Variants in CDH5 observed in about 807,000 individuals in gnomAD.
CDH5 encodes cadherin-5.
Under a neutral mutation model 62.0 loss-of-function variants are expected in CDH5, and 28 were observed. The observed-to-expected ratio is 0.45, with a 90% confidence interval of 0.33 to 0.62. CDH5 has a LOEUF of 0.62. Among genes scored for constraint, CDH5 ranks in the 20% least tolerant of loss-of-function variants. The pLI, the probability that CDH5 is intolerant of heterozygous loss-of-function variation, is 0.02. For missense variants in CDH5, 940 were observed against 1,065.1 expected, an observed-to-expected ratio of 0.88 and a Z score of 1.63; for synonymous variants, 464 against 445.8, an observed-to-expected ratio of 1.04 and a Z score of -0.52.
intron 8 of CDH5, 127 bp downstream of exon 8, chr16:66,396,328 T>G (rs752330858): frequency 2.8e-5 from 32 of 1,134,174 alleles, no homozygotes; most frequent in Non-Finnish European, 4.0e-5. Context: ...ACCCGCTGGT[T>G]GGGATGCTAT....
chr16:66,393,004 G>A (rs1000838694), intron 7 of CDH5: 5 of 152,246 alleles, frequency 3.3e-5, no homozygotes, highest in South Asian at 2.1e-4. Context: ...TGGTTTCATC[G>A]ATATTTGCTC....
chr16:66,385,260 G>A (rs1960963588), intron 2 of CDH5, among the ~76,000 whole-genome samples: 1 of 152,142 alleles, frequency 6.6e-6, no homozygotes, highest in South Asian at 2.1e-4. Flanking sequence ...CCTCTAACCT[G>A]TGGCTCTATT....
At chr16:66,401,045 C>T (rs1178905672) in intron 11 of CDH5, 29 bp downstream of exon 11, 2 of 1,613,242 alleles carry the variant, frequency 1.2e-6, no homozygotes, top group Admixed American at 1.7e-5. Flanking sequence ...GGGGAGAAGA[C>T]ACAGTGGGTG....
intron 6 of CDH5, among the ~76,000 whole-genome samples, chr16:66,391,251 C>A (rs1961078675): frequency 6.6e-6 from 1 of 152,144 alleles, no homozygotes; most frequent in Admixed American, 6.5e-5. Flanking sequence ...GACACAGCCT[C>A]CAGTGTCAGC....
At chr16:66,391,687 C>T (rs377248516) in intron 6 of CDH5, among the ~76,000 whole-genome samples, 33 of 152,214 alleles carry the variant, frequency 2.2e-4, no homozygotes, top group East Asian at 1.4e-3. Flanking sequence ...GCAGGAGAAT[C>T]GCTTGAACCT....
In CDH5 at chr16:66,379,379, C is replaced by A; in HGVS notation, c.42C>A (p.Cys14Ter). The change falls in exon 2 of 12, where the codon TGC becomes TGA. Residue 14 changes from cysteine to a stop codon, truncating the protein, a stop_gained. Coordinates refer to ENST00000341529, the MANE Select transcript of CDH5 (RefSeq NM_001795.5). LOFTEE classifies it high-confidence loss of function. ...TGCTCCTCGCCACATCGGGCGCCTG[C>A]CTGGGCCTGCTGGCAGTGGCAGCAG... ...LMMLLATSGA[C>*]LGLLAVAAVA... is the part of the protein sequence containing the mutation. The A allele has an allele frequency of 1.2e-6, 2 of 1,613,854 alleles. No individual in the cohort carries two copies. Among genetic ancestry groups the A allele is most frequent in the Non-Finnish European group, 1.7e-6 (2 of 1,179,888 alleles).
At chr16:66,384,547 G>T (rs1960950624) in intron 2 of CDH5, among the ~76,000 whole-genome samples, 1 of 150,646 alleles carries the variant, frequency 6.6e-6, no homozygotes, top group Admixed American at 6.7e-5. Context: ...GAGCCCAGGA[G>T]TTTGACAACA....
At chr16:66,369,612 C>T (rs1960648668) in intron 1 of CDH5, among the ~76,000 whole-genome samples, 1 of 152,118 alleles carries the variant, frequency 6.6e-6, no homozygotes, top group Non-Finnish European at 1.5e-5. Flanking sequence ...GTCAGGAAGC[C>T]CAGAGGAGTC....
chr16:66,400,396 G>A (rs922467605), intron 10 of CDH5, among the ~76,000 whole-genome samples: 5 of 152,252 alleles, frequency 3.3e-5, no homozygotes, highest in South Asian at 2.1e-4. Flanking sequence ...ATTTTTCCCC[G>A]CTGCTTGTCA....
chr16:66,377,948 T>C (rs1375235410), intron 1 of CDH5, among the ~76,000 whole-genome samples: 1 of 152,206 alleles, frequency 6.6e-6, no homozygotes, highest in Non-Finnish European at 1.5e-5. Flanking sequence ...GTACAGGGCT[T>C]GCACTTCAAA....
At chr16:66,382,579 G>T (rs58044782) in intron 2 of CDH5, among the ~76,000 whole-genome samples, 1 of 151,976 alleles carries the variant, frequency 6.6e-6, no homozygotes, top group African/African-American at 2.4e-5. Flanking sequence ...GAGTGAGTCA[G>T]GGAAAGTCCG....
intron 8 of CDH5, among the ~76,000 whole-genome samples, chr16:66,396,682 A>G (rs978531077): frequency 2.6e-5 from 4 of 152,242 alleles, no homozygotes; most frequent in Non-Finnish European, 4.4e-5. Flanking sequence ...CAAAATGTGA[A>G]GCAGCTTCCA....
At position 66,392,328 on chromosome 16, in the gene CDH5, C is replaced by T. The variant is rs1230716824; in HGVS notation, c.1162C>T (p.Pro388Ser). ...HFQLKENQKK[P>S]LIGTVLAMDP... ...CCAGCTGAAGGAAAACCAGAAGAAG[C>T]CTCTGATTGGCACAGTGCTGGCCAT... The change falls in exon 7 of 12, where the codon CCT becomes TCT. Residue 388 changes from proline to serine, a missense_variant. Coordinates refer to ENST00000341529, the MANE Select transcript of CDH5 (RefSeq NM_001795.5). 1.9e-6 allele frequency: 3 copies of T among 1,614,016 alleles called. No individual in the cohort carries two copies. The highest frequency in any genetic ancestry group is 4.5e-5 in the East Asian group (2 of 44,888).
chr16:66,403,197 A>G lies in CDH5; in HGVS notation c.*28A>G, dbSNP rs1397457007. Reference sequence around the variant, plus strand: ...GGCCGAGGTCACTCTGGGCCTGGGGACCCAAACCCCCTGCAGCCCAGGCCA... The same window carrying G: ...GGCCGAGGTCACTCTGGGCCTGGGGGCCCAAACCCCCTGCAGCCCAGGCCA... On this transcript the variant is annotated 3_prime_UTR_variant, in exon 12 of 12. Transcript: ENST00000341529. The surrounding 1 kb of genome is among the most constrained non-coding windows in gnomAD (Gnocchi z 4.3). 1 of 1,582,714 alleles carries G rather than the reference A, an allele frequency of 6.3e-7. No homozygotes were observed. The highest frequency in any genetic ancestry group is 8.6e-7 in the Non-Finnish European group (1 of 1,166,062).
At chr16:66,385,943 G>T (rs1960975027) in intron 2 of CDH5, among the ~76,000 whole-genome samples, 2 of 152,186 alleles carry the variant, frequency 1.3e-5, no homozygotes, top group African/African-American at 2.4e-5. Context: ...CCACTGGCTA[G>T]GACCCCATCT....
rs186537075 is a variant in CDH5, at chr16:66,373,196, G to A, written c.-19-6123G>A. ...AGTCTCTCTGGAAACTGCTGAGAACGACCGAGAGATGTGACTCTTACCTGC... is the reference window on the plus strand; with the variant it reads ...AGTCTCTCTGGAAACTGCTGAGAACAACCGAGAGATGTGACTCTTACCTGC... On this transcript the variant is annotated intron_variant, in intron 1 of 11. Coordinates refer to ENST00000341529, the MANE Select transcript of CDH5 (RefSeq NM_001795.5). 3.9e-4 allele frequency among the ~76,000 whole-genome samples: 59 copies of A among 152,214 alleles called. No individual in the cohort carries two copies. In the South Asian group the frequency reaches 4.6e-3, roughly 12 times the overall value.
intron 10 of CDH5, 48 bp downstream of exon 10, chr16:66,398,609 G>T (rs559599185): frequency 4.2e-5 from 41 of 975,164 alleles, no homozygotes; most frequent in Non-Finnish European, 6.5e-5. Context: ...ACCCACACCT[G>T]TAGTCTCAGC....
chr16:66,379,215 G>C (rs1792892381), intron 1 of CDH5, 104 bp from the exon 2 acceptor site: 1 of 826,726 alleles, frequency 1.2e-6, no homozygotes. Context: ...GTTTGCCCCA[G>C]GCTTTTGGCA....
chr16:66,384,833 G>A (rs535690778), intron 2 of CDH5, among the ~76,000 whole-genome samples: 1 of 152,228 alleles, frequency 6.6e-6, no homozygotes, highest in South Asian at 2.1e-4. Flanking sequence ...AGGCACGGTG[G>A]CACATGCCTA....
Sources: gnomAD v4.1 joint callset for allele counts (sites outside exome capture counted in the v4.1 genomes callset) on GRCh38, gnomAD v4.1.1 for gene constraint, Gnocchi (gnomAD v3.1) non-coding constraint, MANE v1.5 for transcripts, NCBI Gene and HGNC (gene_info 2026-07-23, HGNC 2026-07-21) for gene names.